VDR: variants seen among roughly 807,000 people sequenced by gnomAD.
The protein encoded by VDR is vitamin D3 receptor.
VDR carries 19 observed loss-of-function variants against 39.7 expected under a neutral mutation model. The observed-to-expected ratio is 0.48, with a 90% CI of 0.33 to 0.70. The LOEUF is 0.70. Ranked by LOEUF, VDR falls within the 30% of genes least tolerant of loss-of-function variation. The pLI is 0.02. For missense variants in VDR, 442 were observed against 570.5 expected, an observed-to-expected ratio of 0.77 and a Z score of 2.29; for synonymous variants, 242 against 215.8, an observed-to-expected ratio of 1.12 and a Z score of -1.07.
chr12:47,904,244 C>T (rs1363481531), intron 1 of VDR, among the ~76,000 whole-genome samples: 3 of 151,710 alleles, frequency 2.0e-5, no homozygotes, highest in Non-Finnish European at 4.4e-5. Context: ...GTACACTGGC[C>T]CTGGAGACCA....
chr12:47,863,212 A>C (rs1487095629), intron 4 of VDR, among the ~76,000 whole-genome samples: 3 of 152,206 alleles, frequency 2.0e-5, no homozygotes, highest in Non-Finnish European at 4.4e-5. Flanking sequence ...AGGAGGGGAC[A>C]TGAAGTCTGA....
intron 3 of VDR, among the ~76,000 whole-genome samples, chr12:47,871,305 T>TCTTC (rs1491308644): frequency 5.4e-4 from 68 of 125,008 alleles, no homozygotes; most frequent in African/African-American, 2.0e-3. Flanking sequence ...TTTCTTTCTT[T>TCTTC]CTTTCTTTCT....
At chr12:47,900,668 G>GCA (rs1372536463) in intron 1 of VDR, among the ~76,000 whole-genome samples, 2 of 152,156 alleles carry the variant, frequency 1.3e-5, no homozygotes, top group Non-Finnish European at 2.9e-5. Context: ...CCAGCAGGTG[G>GCA]CACACACTGG....
chr12:47,869,698 C>T (rs950329017), intron 3 of VDR, among the ~76,000 whole-genome samples: 1 of 152,054 alleles, frequency 6.6e-6, no homozygotes, highest in African/African-American at 2.4e-5. Context: ...AGTTTGAGAC[C>T]AACCTGGCCA....
Position 47,857,504 on chromosome 12 carries a change from C to A in VDR, c.462G>T (p.Arg154=), listed in dbSNP as rs767242636. 27 of 1,614,058 alleles carry A rather than the reference C, an allele frequency of 1.7e-5. No homozygotes were observed. The highest frequency in any genetic ancestry group is 2.1e-5 in the Non-Finnish European group (25 of 1,180,052). The stretch of plus-strand genomic sequence containing the variant: ...TCATCCTCCCAGCAGGCAGACATAC[C>A]CGGAACTGGCAGAAGTCGGAGTAGG... The part of the protein sequence containing the change: ...DPTYSDFCQF[R]PPVRVNDGGG... Residue 154 remains arginine (R), a splice_region_variant and synonymous_variant, in exon 5 of 10, where the codon CGG becomes CGT. Coordinates refer to ENST00000549336, the MANE Select transcript of VDR (RefSeq NM_000376.3).
chr12:47,888,070 G>A (rs1946292093), intron 1 of VDR, among the ~76,000 whole-genome samples: 1 of 152,208 alleles, frequency 6.6e-6, no homozygotes, highest in African/African-American at 2.4e-5. Context: ...ACATGGCTGG[G>A]CAGGCCTCAG....
chr12:47,902,054 C>T (rs1946573322), intron 1 of VDR, among the ~76,000 whole-genome samples: 1 of 152,196 alleles, frequency 6.6e-6, no homozygotes, highest in Admixed American at 6.5e-5. Flanking sequence ...TTAAGCCTCC[C>T]CCAACCTTAT....
intron 1 of VDR, among the ~76,000 whole-genome samples, chr12:47,889,933 G>A (rs1208115889): frequency 6.6e-6 from 1 of 151,970 alleles, no homozygotes; most frequent in Non-Finnish European, 1.5e-5. Flanking sequence ...CTGTCTTAAC[G>A]CTGGGACCCG....
At chr12:47,904,493 T>G (rs898824240) in intron 1 of VDR, 5 of 902,412 alleles carry the variant, frequency 5.5e-6, no homozygotes, top group Non-Finnish European at 7.5e-6. Context: ...AAAAATTACT[T>G]AAAAGACCCA....
chr12:47,895,605 G>T (rs1040829090), intron 1 of VDR, among the ~76,000 whole-genome samples: 59 of 151,990 alleles, frequency 3.9e-4, no homozygotes, highest in African/African-American at 1.4e-3. Flanking sequence ...ACAGTTACCT[G>T]TTAAAAAAAA....
intron 3 of VDR, among the ~76,000 whole-genome samples, chr12:47,867,004 A>G (rs1211405880): frequency 6.6e-6 from 1 of 151,786 alleles, no homozygotes; most frequent in Non-Finnish European, 1.5e-5. Flanking sequence ...TCAAAAAACA[A>G]AACAAAACAA....
At chr12:47,871,799 T>G (rs562790430) in intron 3 of VDR, among the ~76,000 whole-genome samples, 22 of 152,322 alleles carry the variant, frequency 1.4e-4, no homozygotes, top group African/African-American at 5.3e-4. Context: ...AACCTCCATA[T>G]AATACTCTGT....
intron 4 of VDR, among the ~76,000 whole-genome samples, chr12:47,859,425 A>G (rs1945561645): frequency 6.6e-6 from 1 of 152,158 alleles, no homozygotes; most frequent in Non-Finnish European, 1.5e-5. Context: ...GCATGCTGGC[A>G]TTGCTGCTGG....
At chr12:47,848,473 A>G (rs2525044) in intron 7 of VDR, among the ~76,000 whole-genome samples, 94,198 of 150,216 alleles carry the variant, frequency 0.63, 30,372 homozygotes, top group African/African-American at 0.79. Context: ...GGGCCATGTC[A>G]TTGTGATGCC....
At chr12:47,871,280 T>C (rs1448097608) in intron 3 of VDR, among the ~76,000 whole-genome samples, 1 of 145,310 alleles carries the variant, frequency 6.9e-6, no homozygotes, top group Non-Finnish European at 1.5e-5. Flanking sequence ...TCTTTTCTCT[T>C]TCTTTCTCTT....
chr12:47,852,963 T>G (rs927298317), intron 7 of VDR, among the ~76,000 whole-genome samples: 4 of 152,222 alleles, frequency 2.6e-5, no homozygotes, highest in African/African-American at 9.7e-5. Flanking sequence ...CTGCCGTAAA[T>G]ACAGCTATTG....
At chr12:47,882,142 G>A (rs893712752) in intron 2 of VDR, among the ~76,000 whole-genome samples, 12 of 152,184 alleles carry the variant, frequency 7.9e-5, no homozygotes, top group Non-Finnish European at 1.8e-4. Context: ...GCAATGGGGT[G>A]GGGTGCTGCC....
chr12:47,870,522 A>G (rs1436472508), intron 3 of VDR, among the ~76,000 whole-genome samples: 3 of 152,230 alleles, frequency 2.0e-5, no homozygotes, highest in Non-Finnish European at 4.4e-5. Flanking sequence ...TGCAGTTTCT[A>G]GAAAGCCAGG....
rs1427833860 is a variant in VDR, at chr12:47,844,406, CTGTT to C, written c.*336_*339del. 1.0e-5 allele frequency: 5 copies of C among 484,014 alleles called. No homozygotes were observed. Among genetic ancestry groups the C allele is most frequent in the African/African-American group, 5.8e-5 (3 of 51,350 alleles). The allele number at this position is 484,014 out of a possible 1,614,324, so 30.0% of individuals were successfully genotyped here. ...TGAGGAATGGATGCATTTCTCCTGT[CTGTT>C]CCCTCAACATCAGTCAGCAGCCACT... On this transcript the variant is annotated 3_prime_UTR_variant, in exon 10 of 10. Coordinates refer to ENST00000549336, the MANE Select transcript of VDR (RefSeq NM_000376.3).
Sources: gnomAD v4.1 joint callset for allele counts (sites outside exome capture counted in the v4.1 genomes callset) on GRCh38, gnomAD v4.1.1 for gene constraint, MANE v1.5 for transcripts, NCBI Gene and HGNC (gene_info 2026-07-23, HGNC 2026-07-21) for gene names.